The following WDR49 variants were observed in gnomAD, a reference collection of about 807,000 sequenced individuals.
The protein encoded by WDR49 is WD repeat domain 49.
A neutral mutation model predicts 119.5 loss-of-function variants in WDR49; 107 were observed. The ratio of observed to expected loss-of-function variants is 0.90; its 90% CI spans 0.77 to 1.05. The LOEUF (loss-of-function observed/expected upper bound fraction) is 1.05, where lower values mean the gene tolerates loss of function less well. Ranked by LOEUF, WDR49 falls within the 50% of genes least tolerant of loss-of-function variation. The pLI is 0.00. For missense variants in WDR49, 1,240 were observed against 1,220.5 expected, an observed-to-expected ratio of 1.02 and a Z score of -0.24; for synonymous variants, 425 against 418.8, an observed-to-expected ratio of 1.01 and a Z score of -0.18.
At chr3:167,500,108 T>C (rs1378142045) in intron 18 of WDR49, 45 bp downstream of exon 18, 2 of 1,484,166 alleles carry the variant, frequency 1.3e-6, no homozygotes, top group Non-Finnish European at 1.8e-6. Flanking sequence ...ATGACTAAGT[T>C]TCCTGAAGAG....
intron 15 of WDR49, among the ~76,000 whole-genome samples, chr3:167,527,414 T>G (rs962140288): frequency 5.9e-5 from 9 of 151,520 alleles, no homozygotes; most frequent in East Asian, 1.9e-4. Context: ...GGATGATTGG[T>G]TTTTTTTTCT....
At chr3:167,498,070 G>C (rs1751427658) in intron 18 of WDR49, among the ~76,000 whole-genome samples, 1 of 151,966 alleles carries the variant, frequency 6.6e-6, no homozygotes, top group Non-Finnish European at 1.5e-5. Flanking sequence ...TCAATCTCCT[G>C]ACCTCTTGAT....
intron 10 of WDR49, among the ~76,000 whole-genome samples, chr3:167,549,482 A>G (rs1324652764): frequency 6.6e-6 from 1 of 152,136 alleles, no homozygotes; most frequent in African/African-American, 2.4e-5. Flanking sequence ...TTGGCTGCAT[A>G]AATGTCTTCT....
At chr3:167,520,296 A>G (rs1429524708) in intron 16 of WDR49, among the ~76,000 whole-genome samples, 1 of 152,126 alleles carries the variant, frequency 6.6e-6, no homozygotes, top group Non-Finnish European at 1.5e-5. Context: ...GGAATGGGAA[A>G]TTAGTATCTT....
intron 15 of WDR49, among the ~76,000 whole-genome samples, chr3:167,526,116 T>C (rs1371401786): frequency 6.6e-6 from 1 of 152,092 alleles, no homozygotes. Context: ...CTGACCCAGC[T>C]CTGATGACTC....
At chr3:167,563,353 CAAAAAAAA>C (rs61247447) in intron 8 of WDR49, among the ~76,000 whole-genome samples, 2 of 55,852 alleles carry the variant, frequency 3.6e-5, no homozygotes, top group African/African-American at 6.5e-5. Flanking sequence ...GATTCTGAAT[CAAAAAAAA>C]AAAAAAAAAA....
At chr3:167,560,759 C>A (rs1713218698) in intron 8 of WDR49, among the ~76,000 whole-genome samples, 3 of 147,040 alleles carry the variant, frequency 2.0e-5, no homozygotes, top group South Asian at 4.3e-4. Context: ...ATTTTTATAG[C>A]TAAACACAAT....
chr3:167,565,459 T>C (rs898076809), intron 8 of WDR49, among the ~76,000 whole-genome samples: 11 of 151,080 alleles, frequency 7.3e-5, no homozygotes, highest in African/African-American at 2.7e-4. Flanking sequence ...TGTGTGTGTG[T>C]ATATATATAT....
Position 167,505,161 on chromosome 3 carries a change from C to A in WDR49, c.2884+146G>T, listed in dbSNP as rs995367860. 1.5e-5 allele frequency: 17 copies of A among 1,131,624 alleles called. No homozygotes were observed. The African/African-American group carries it at 2.8e-4, about 18-fold the overall frequency. The allele number at this position is 1,131,624 out of a possible 1,614,324, so 70.1% of individuals were successfully genotyped here. ...ACTTAATGTCCTGTACCTCACTTTT[C>A]TCCTTTGTTAAATGGGGTTCACAGA... is the stretch of plus-strand genomic sequence containing the variant. On this transcript the variant is annotated intron_variant, in intron 17 of 18. Transcript: ENST00000682715.
At chr3:167,642,895 A>T (rs1040627414) in intron 2 of WDR49, among the ~76,000 whole-genome samples, 2 of 152,014 alleles carry the variant, frequency 1.3e-5, no homozygotes, top group African/African-American at 2.4e-5. Flanking sequence ...ATAATAGAAA[A>T]CAGCACATTG....
At chr3:167,578,065 T>C (rs907500755) in intron 7 of WDR49, among the ~76,000 whole-genome samples, 1 of 152,164 alleles carries the variant, frequency 6.6e-6, no homozygotes, top group East Asian at 1.9e-4. Flanking sequence ...CTTTTCATTC[T>C]ATCCTACCTT....
intron 5 of WDR49, among the ~76,000 whole-genome samples, chr3:167,620,214 A>G (rs1369860201): frequency 1.3e-5 from 2 of 152,066 alleles, no homozygotes; most frequent in African/African-American, 4.8e-5. Flanking sequence ...GGTCACCTGA[A>G]TTAATTGTAT....
At position 167,527,780 on chromosome 3, in the gene WDR49, T is replaced by C. The variant is rs745786510; in HGVS notation, c.2604+40A>G. On this transcript the variant is annotated intron_variant, in intron 15 of 18. Coordinates refer to ENST00000682715, the MANE Select transcript of WDR49 (RefSeq NM_001366157.1). Reference sequence around the variant, plus strand: ...AATCAGCCCAAGTTAATACTAAATGTCAAGTAAATACTAGAATAATAAAGA... The same window carrying C: ...AATCAGCCCAAGTTAATACTAAATGCCAAGTAAATACTAGAATAATAAAGA... 8.9e-6 allele frequency: 14 copies of C among 1,575,616 alleles called. No individual in the cohort carries two copies. In the Admixed American group the frequency reaches 2.3e-4, roughly 26 times the overall value.
chr3:167,567,193 A>T (rs986693845), intron 8 of WDR49, among the ~76,000 whole-genome samples: 1 of 152,190 alleles, frequency 6.6e-6, no homozygotes, highest in Non-Finnish European at 1.5e-5. Context: ...CGCTTCTGCC[A>T]GATTGTCTAA....
intron 7 of WDR49, among the ~76,000 whole-genome samples, chr3:167,589,485 T>G (rs1714996271): frequency 6.6e-6 from 1 of 152,160 alleles, no homozygotes. Context: ...ATGTCATTGG[T>G]ATTTTGATAG....
At chr3:167,576,536 A>C (rs1431174649) in intron 7 of WDR49, among the ~76,000 whole-genome samples, 1 of 152,148 alleles carries the variant, frequency 6.6e-6, no homozygotes, top group Non-Finnish European at 1.5e-5. Context: ...GGACTTTGAG[A>C]TGGTGAGATT....
At chr3:167,528,939 G>C (rs1752741281) in intron 14 of WDR49, 113 bp downstream of exon 14, 4 of 743,374 alleles carry the variant, frequency 5.4e-6, no homozygotes, top group African/African-American at 1.8e-5. Context: ...AAAACACTTA[G>C]ACTATACATT....
chr3:167,558,520 C>T (rs1405429367), intron 9 of WDR49, among the ~76,000 whole-genome samples: 3 of 152,166 alleles, frequency 2.0e-5, no homozygotes, highest in Non-Finnish European at 4.4e-5. Flanking sequence ...TATAAATGCA[C>T]CTTCAGAAGC....
At chr3:167,600,273 C>T (rs1715698340) in intron 7 of WDR49, among the ~76,000 whole-genome samples, 1 of 152,060 alleles carries the variant, frequency 6.6e-6, no homozygotes, top group Non-Finnish European at 1.5e-5. Flanking sequence ...TCATGTCCCC[C>T]CACACTTCCC....
Sources: gnomAD v4.1 joint callset for allele counts (sites outside exome capture counted in the v4.1 genomes callset) on GRCh38, gnomAD v4.1.1 for gene constraint, MANE v1.5 for transcripts, NCBI Gene and HGNC (gene_info 2026-07-23, HGNC 2026-07-21) for gene names.